ZFPM2: variants seen among roughly 807,000 people sequenced by gnomAD.
ZFPM2 encodes zinc finger protein, FOG family member 2.
Under a neutral mutation model 98.6 loss-of-function variants are expected in ZFPM2, and 20 were observed. The ratio of observed to expected loss-of-function variants is 0.20; its 90% CI spans 0.14 to 0.29. The LOEUF (loss-of-function observed/expected upper bound fraction) is 0.29, where lower values mean the gene tolerates loss of function less well. Ranked by LOEUF, ZFPM2 falls within the 10% of genes least tolerant of loss-of-function variation. The probability of loss-of-function intolerance (pLI) is 1.00; values close to 1 mark genes in which losing one functional copy is unlikely to be tolerated. For missense variants in ZFPM2, 1,310 were observed against 1,388.6 expected, an observed-to-expected ratio of 0.94 and a Z score of 0.90; for synonymous variants, 518 against 502.7, an observed-to-expected ratio of 1.03 and a Z score of -0.41.
intron 5 of ZFPM2, among the ~76,000 whole-genome samples, chr8:105,745,251 G>T (rs1337959008): frequency 6.6e-6 from 1 of 152,070 alleles, no homozygotes; most frequent in Non-Finnish European, 1.5e-5. Flanking sequence ...GGTCAGTTTA[G>T]CACTTCTCAA....
At chr8:105,511,130 G>T (rs1342980402) in intron 3 of ZFPM2, among the ~76,000 whole-genome samples, 2 of 152,174 alleles carry the variant, frequency 1.3e-5, no homozygotes, top group Non-Finnish European at 2.9e-5. Flanking sequence ...ACACTGGCTG[G>T]GCATGGCCAG....
chr8:105,439,486 TG>T (rs1812193781), intron 2 of ZFPM2, among the ~76,000 whole-genome samples: 2 of 152,202 alleles, frequency 1.3e-5, no homozygotes, highest in Non-Finnish European at 1.5e-5. Flanking sequence ...TCCTGCTTGT[TG>T]GGGAAAGGAG....
chr8:105,328,554 G>GACTATGCCATTAAAGTAGGAAGCCAGCT (rs1300268291), intron 1 of ZFPM2, among the ~76,000 whole-genome samples: 5 of 151,704 alleles, frequency 3.3e-5, no homozygotes, highest in African/African-American at 1.2e-4. Context: ...GTATATTCTG[G>GACTATGCCATTAAAGTAGGAAGCCAGCT]ACTATGCCAT....
At chr8:105,683,780 T>C (rs1209887564) in intron 5 of ZFPM2, among the ~76,000 whole-genome samples, 4 of 152,180 alleles carry the variant, frequency 2.6e-5, no homozygotes, top group Non-Finnish European at 4.4e-5. Flanking sequence ...TTCTCTGACT[T>C]TCTAAAATAA....
chr8:105,540,469 A>G (rs1480970277), intron 3 of ZFPM2, among the ~76,000 whole-genome samples: 2 of 152,166 alleles, frequency 1.3e-5, no homozygotes, highest in Admixed American at 1.3e-4. Flanking sequence ...AGGCACTACA[A>G]AATGTTAGCT....
At chr8:105,337,360 G>C (rs1191790722) in intron 1 of ZFPM2, among the ~76,000 whole-genome samples, 1 of 151,750 alleles carries the variant, frequency 6.6e-6, no homozygotes, top group Non-Finnish European at 1.5e-5. Context: ...CTCTTCACTT[G>C]AGGAATTTGA....
intron 5 of ZFPM2, among the ~76,000 whole-genome samples, chr8:105,676,882 A>C (rs561310896): frequency 4.5e-4 from 69 of 152,246 alleles, no homozygotes; most frequent in Non-Finnish European, 1.5e-4. Flanking sequence ...AGTGTCTAAA[A>C]TGCATAAAAT....
At chr8:105,718,635 A>T (rs1432085421) in intron 5 of ZFPM2, among the ~76,000 whole-genome samples, 3 of 151,968 alleles carry the variant, frequency 2.0e-5, no homozygotes, top group Non-Finnish European at 4.4e-5. Context: ...GTTAATAAAT[A>T]TGACACAATA....
chr8:105,727,838 A>T (rs1465102292), intron 5 of ZFPM2, among the ~76,000 whole-genome samples: 2 of 151,678 alleles, frequency 1.3e-5, no homozygotes, highest in Non-Finnish European at 3.0e-5. Flanking sequence ...ATCATAGAGC[A>T]ATTGATACTG....
At chr8:105,699,065 C>T (rs138566649) in intron 5 of ZFPM2, among the ~76,000 whole-genome samples, 1,633 of 152,174 alleles carry the variant, frequency 0.011, 14 homozygotes, top group South Asian at 0.019. Context: ...GTTTAATTTA[C>T]CTAATGTCAG....
At chr8:105,489,199 C>T (rs1050008140) in intron 3 of ZFPM2, among the ~76,000 whole-genome samples, 5 of 151,980 alleles carry the variant, frequency 3.3e-5, no homozygotes, top group Non-Finnish European at 5.9e-5. Context: ...TGTGTCACCG[C>T]ATAGTCATAT....
chr8:105,603,294 C>T (rs993847992), intron 4 of ZFPM2, among the ~76,000 whole-genome samples: 6 of 152,126 alleles, frequency 3.9e-5, no homozygotes, highest in East Asian at 1.9e-4. Context: ...TCAAATGTTT[C>T]GTCGCTGGGT....
At chr8:105,444,246 AT>A (rs1812321596) in intron 2 of ZFPM2, 33 bp from the exon 3 acceptor site, 1 of 1,542,466 alleles carries the variant, frequency 6.5e-7, no homozygotes, top group African/African-American at 1.4e-5. Flanking sequence ...AGCTTTGCTC[AT>A]TTTCTTTCTC....
rs1026926211 is a variant in ZFPM2, at chr8:105,620,543, C to A, written c.421-13703C>A. 5.9e-5 allele frequency among the ~76,000 whole-genome samples: 9 copies of A among 152,200 alleles called. No individual in the cohort carries two copies. In the East Asian group the frequency reaches 1.4e-3, roughly 23 times the overall value. On this transcript the variant is annotated intron_variant, in intron 4 of 7. Coordinates refer to ENST00000407775, the MANE Select transcript of ZFPM2 (RefSeq NM_012082.4). ...CAGAAGCTCTTTAGTTTAATTAGATCCCATTTGTCTATTTTGGCTTTTATT... is the reference window on the plus strand; with the variant it reads ...CAGAAGCTCTTTAGTTTAATTAGATACCATTTGTCTATTTTGGCTTTTATT...
chr8:105,421,230 A>G (rs1267806566), intron 2 of ZFPM2, among the ~76,000 whole-genome samples: 1 of 152,178 alleles, frequency 6.6e-6, no homozygotes, highest in Non-Finnish European at 1.5e-5. Context: ...AAGATTCAGT[A>G]GATATTATTA....
chr8:105,655,412 G>A (rs1817264609), intron 5 of ZFPM2, among the ~76,000 whole-genome samples: 1 of 151,650 alleles, frequency 6.6e-6, no homozygotes, highest in Non-Finnish European at 1.5e-5. Flanking sequence ...TGTATTTTTA[G>A]TAGAGACGGG....
At chr8:105,320,481 T>G (rs1177738625) in intron 1 of ZFPM2, among the ~76,000 whole-genome samples, 1 of 152,220 alleles carries the variant, frequency 6.6e-6, no homozygotes, top group Non-Finnish European at 1.5e-5. Flanking sequence ...TTATTCATGG[T>G]TTCCACCAAT....
At chr8:105,420,675 A>G (rs779771786) in intron 2 of ZFPM2, among the ~76,000 whole-genome samples, 4 of 152,180 alleles carry the variant, frequency 2.6e-5, no homozygotes, top group Non-Finnish European at 5.9e-5. Context: ...CATTAAATTG[A>G]TGATATGTAG....
chr8:105,320,281 TG>T (rs1812000628), intron 1 of ZFPM2, among the ~76,000 whole-genome samples: 2 of 151,786 alleles, frequency 1.3e-5, no homozygotes, highest in South Asian at 4.2e-4. Flanking sequence ...TGTGTGTGTG[TG>T]TGTGTGTGTG....
Sources: allele counts gnomAD v4.1 joint callset (sites outside exome capture counted in the v4.1 genomes callset), GRCh38; gene constraint gnomAD v4.1.1; transcripts MANE v1.5; gene names NCBI Gene and HGNC (gene_info 2026-07-23, HGNC 2026-07-21).